The following AMPH variants were observed in gnomAD, a reference collection of about 807,000 sequenced individuals.
AMPH encodes the protein amphiphysin (Stiff-Mann syndrome with breast cancer 128kD autoantigen).
AMPH carries 49 observed loss-of-function variants against 99.1 expected under a neutral mutation model. The observed-to-expected ratio is 0.49, with a 90% CI of 0.39 to 0.63. The LOEUF (loss-of-function observed/expected upper bound fraction) is 0.63, where lower values mean the gene tolerates loss of function less well. Among genes scored for constraint, AMPH ranks in the 20% least tolerant of loss-of-function variants. The pLI, the probability that AMPH is intolerant of heterozygous loss-of-function variation, is 0.00. For synonymous variants in AMPH, 314 were observed against 317.3 expected (o/e 0.99, Z 0.11); for missense variants, 759 against 863.4 (o/e 0.88, Z 1.52).
intron 5 of AMPH, among the ~76,000 whole-genome samples, chr7:38,477,799 G>C (rs1788142077): frequency 6.6e-6 from 1 of 151,912 alleles, no homozygotes; most frequent in Non-Finnish European, 1.5e-5. Context: ...TGCTTCTCGG[G>C]GAGCAATAAA....
intron 1 of AMPH, among the ~76,000 whole-genome samples, chr7:38,556,626 A>G (rs1562825281): frequency 6.6e-6 from 1 of 152,162 alleles, no homozygotes; most frequent in East Asian, 1.9e-4. Context: ...CACATCATTC[A>G]CACCACCCTC....
Position 38,617,756 on chromosome 7 carries a change from TA to T in AMPH, c.69+13526del, listed in dbSNP as rs1457440917. Among the ~76,000 whole-genome samples the T allele has an allele frequency of 3.9e-5, 6 of 152,244 alleles. No individual in the cohort carries two copies. In the East Asian group the frequency reaches 1.2e-3, roughly 29 times the overall value. On this transcript the variant is annotated intron_variant, in intron 1 of 20. Transcript: ENST00000356264. ...GTCACAGATCTTTTTGAAAACCTGA[TA>T]AAAGTTACAGGCACCCAGAAAAAAG...
chr7:38,595,860 C>T (rs1453181223), intron 1 of AMPH, among the ~76,000 whole-genome samples: 1 of 152,166 alleles, frequency 6.6e-6, no homozygotes, highest in Non-Finnish European at 1.5e-5. Context: ...GGGTATTGGC[C>T]TCCAGCTGCA....
intron 12 of AMPH, 79 bp from the exon 13 acceptor site, chr7:38,432,291 G>A: frequency 7.7e-7 from 1 of 1,296,578 alleles, no homozygotes; most frequent in Admixed American, 1.8e-5. Flanking sequence ...AAAAGTTCTT[G>A]AAATCATAAG....
In AMPH at chr7:38,389,886, A is replaced by G. The variant is rs1562720405; in HGVS notation, c.1898T>C (p.Phe633Ser). 3 of 1,613,706 alleles carry G rather than the reference A, an allele frequency of 1.9e-6. No individual in the cohort carries two copies. Among genetic ancestry groups the G allele is most frequent in the Non-Finnish European group, 1.7e-6 (2 of 1,179,914 alleles). The change falls in exon 20 of 21, where the codon TTT becomes TCT. Residue 633 changes from phenylalanine (F) to serine (S), a missense_variant. Coordinates refer to ENST00000356264, the MANE Select transcript of AMPH (RefSeq NM_001635.4). ...AAGTTCATCAGAATTTGCTGCCTCAAAATCATGCAGTGTTTCCACCTGCAG... is the reference window on the plus strand; with the variant it reads ...AAGTTCATCAGAATTTGCTGCCTCAGAATCATGCAGTGTTTCCACCTGCAG... ...FLYKVETLHDFEAANSDELTL... is the reference protein window; with the variant it reads ...FLYKVETLHDSEAANSDELTL...
intron 6 of AMPH, among the ~76,000 whole-genome samples, chr7:38,476,307 G>C (rs902478449): frequency 1.3e-5 from 2 of 152,144 alleles, no homozygotes; most frequent in Non-Finnish European, 2.9e-5. Context: ...AACATATCTC[G>C]ATGTAGAAAG....
At chr7:38,402,360 T>C (rs914088266) in intron 17 of AMPH, among the ~76,000 whole-genome samples, 1 of 152,258 alleles carries the variant, frequency 6.6e-6, no homozygotes, top group African/African-American at 2.4e-5. Flanking sequence ...TGGCATGCAA[T>C]AATTATTTTT....
intron 11 of AMPH, among the ~76,000 whole-genome samples, 173 bp downstream of exon 11, chr7:38,461,110 T>C (rs572843867): frequency 7.9e-5 from 12 of 152,352 alleles, no homozygotes; most frequent in African/African-American, 2.4e-4. Flanking sequence ...TCAAATACCG[T>C]ACATCTCCCA....
intron 7 of AMPH, 129 bp from the exon 8 acceptor site, chr7:38,466,377 A>G: frequency 1.4e-6 from 1 of 719,304 alleles, no homozygotes; most frequent in Non-Finnish European, 2.3e-6. Flanking sequence ...CTTTGGACTA[A>G]ATAAAATACT....
intron 1 of AMPH, among the ~76,000 whole-genome samples, chr7:38,565,039 G>A (rs1791683984): frequency 6.6e-6 from 1 of 151,656 alleles, no homozygotes; most frequent in South Asian, 2.1e-4. Context: ...CAGGAGAATG[G>A]CGTGAACCCG....
intron 1 of AMPH, among the ~76,000 whole-genome samples, chr7:38,586,616 G>T (rs1383953612): frequency 6.6e-6 from 1 of 152,110 alleles, no homozygotes; most frequent in East Asian, 1.9e-4. Context: ...TGGAAGGAGG[G>T]GTCTAGAGCT....
chr7:38,491,047 T>C lies in AMPH; in HGVS notation c.396+3A>G. Reference sequence around the variant, plus strand: ...TTCCCTTTATAGACACAGAGTAAAATACCTTTATGTCAGGAAATTGCCCCA... The same window carrying C: ...TTCCCTTTATAGACACAGAGTAAAACACCTTTATGTCAGGAAATTGCCCCA... On this transcript the variant is annotated splice_donor_region_variant and intron_variant, in intron 5 of 20. Transcript: ENST00000356264. 1.3e-6 allele frequency: 2 copies of C among 1,596,912 alleles called. No individual in the cohort carries two copies. Among genetic ancestry groups the C allele is most frequent in the Non-Finnish European group, 1.7e-6 (2 of 1,164,730 alleles).
chr7:38,466,172 C>T lies in AMPH; in HGVS notation c.666+1G>A. The T allele has an allele frequency of 6.2e-7, 1 of 1,602,290 alleles. No individual in the cohort carries two copies. The highest frequency in any genetic ancestry group is 8.5e-7 in the Non-Finnish European group (1 of 1,176,312). On this transcript the variant is annotated splice_donor_variant, in intron 8 of 20. Coordinates refer to ENST00000356264, the MANE Select transcript of AMPH (RefSeq NM_001635.4). LOFTEE classifies it high-confidence loss of function. ...ATGCAAAAATTATCGTCATGACTCA[C>T]CACCGCAATTTCCTTATGAAACTTG...
At position 38,462,994 on chromosome 7, in the gene AMPH, C is replaced by T. The variant is rs147284975; in HGVS notation, c.869G>A (p.Arg290Gln). 22 of 1,586,942 alleles carry T rather than the reference C, an allele frequency of 1.4e-5. No individual in the cohort carries two copies. The highest frequency in any genetic ancestry group is 1.3e-4 in the African/African-American group (10 of 74,190). ...TCCTACCTGTGAAGGTGACCGAGGC[C>T]GTGCTGGTGCGGGAGACGCAGGTGC... ...TLAPASPAPA[R>Q]PRSPSQTRKG... The change falls in exon 10 of 21, where the codon CGG becomes CAG. Residue 290 changes from arginine (R) to glutamine (Q), a missense_variant. Physicochemically the swap from Arg to Gln is conservative, Grantham distance 43 (BLOSUM62 1). Coordinates refer to ENST00000356264, the MANE Select transcript of AMPH (RefSeq NM_001635.4).
At chr7:38,576,356 T>A (rs111715014) in intron 1 of AMPH, among the ~76,000 whole-genome samples, 7 of 152,334 alleles carry the variant, frequency 4.6e-5, no homozygotes, top group African/African-American at 1.7e-4. Flanking sequence ...GAAGTAATAA[T>A]CCCTTCTCCA....
chr7:38,384,438 A>G lies in AMPH; in HGVS notation c.*380T>C, dbSNP rs2072505. On this transcript the variant is annotated 3_prime_UTR_variant, in exon 21 of 21. Coordinates refer to ENST00000356264, the MANE Select transcript of AMPH (RefSeq NM_001635.4). ...GGGCAGGGGAATAAGATAATCTTGTACTACAGGATAATTCATCACATCTTC... is the reference window on the plus strand; with the variant it reads ...GGGCAGGGGAATAAGATAATCTTGTGCTACAGGATAATTCATCACATCTTC... The G allele has an allele frequency of 0.24, 41,709 of 175,174 alleles. 5,235 individuals carry two copies. Among genetic ancestry groups the G allele is most frequent in the Non-Finnish European group, 0.26 (20,498 of 79,852 alleles). 10.9% of individuals were successfully genotyped at this position (175,174 alleles called of 1,614,324 possible). A position where few individuals can be genotyped will look rare whatever the true frequency, so the allele number is the denominator to read the frequency against.
At chr7:38,408,166 G>T (rs1389819449) in intron 17 of AMPH, among the ~76,000 whole-genome samples, 1 of 152,130 alleles carries the variant, frequency 6.6e-6, no homozygotes. Flanking sequence ...TAACCAAGAA[G>T]ACCACACATC....
intron 11 of AMPH, among the ~76,000 whole-genome samples, chr7:38,450,096 G>C (rs1477864838): frequency 1.3e-5 from 2 of 152,220 alleles, no homozygotes; most frequent in African/African-American, 4.8e-5. Flanking sequence ...ACTCAGGATT[G>C]AAAGGCTGTG....
In AMPH at chr7:38,484,419, C is replaced by T. The variant is rs998963118; in HGVS notation, c.396+6631G>A. 2.0e-5 allele frequency among the ~76,000 whole-genome samples: 3 copies of T among 152,010 alleles called. No individual in the cohort carries two copies. The East Asian group carries it at 5.8e-4, about 29-fold the overall frequency. On this transcript the variant is annotated intron_variant, in intron 5 of 20. Transcript: ENST00000356264. ...TGTAATACTATTAGTGGATTTTTAG[C>T]AGAAGCAGGCCAGAAGGGCGTCAGA...
Sources: gnomAD v4.1 joint callset for allele counts (sites outside exome capture counted in the v4.1 genomes callset) on GRCh38, gnomAD v4.1.1 for gene constraint, MANE v1.5 for transcripts, NCBI Gene and HGNC (gene_info 2026-07-23, HGNC 2026-07-21) for gene names.